Variants in RPS6KC1 observed in about 807,000 individuals in gnomAD.
RPS6KC1 encodes the protein ribosomal protein S6 kinase C1, also known as inactive ribosomal protein S6 kinase delta-1.
Under a neutral mutation model 103.8 loss-of-function variants are expected in RPS6KC1, and 54 were observed. The ratio of observed to expected loss-of-function variants is 0.52; its 90% CI spans 0.42 to 0.65. RPS6KC1 has a LOEUF of 0.65. Among genes scored for constraint, RPS6KC1 ranks in the 30% least tolerant of loss-of-function variants. RPS6KC1 has a pLI of 0.00. For missense variants in RPS6KC1, 1,151 were observed against 1,253.8 expected (o/e 0.92, Z 1.24); for synonymous variants, 439 against 438.7 (o/e 1.00, Z -0.01).
chr1:213,771,568 G>A, the RPS6KC1 span, among the ~76,000 whole-genome samples: 1 of 152,152 alleles, frequency 6.6e-6, no homozygotes, highest in East Asian at 1.9e-4. Flanking sequence ...TCCTGGACCC[G>A]GTTCAGTGGT....
At chr1:213,430,842 C>G in the RPS6KC1 span, among the ~76,000 whole-genome samples, 1 of 152,238 alleles carries the variant, frequency 6.6e-6, no homozygotes. Flanking sequence ...GCCATATGCA[C>G]ACATTAAATG....
chr1:213,126,075 G>A (rs2084957517), intron 5 of RPS6KC1, among the ~76,000 whole-genome samples: 1 of 151,948 alleles, frequency 6.6e-6, no homozygotes, highest in Non-Finnish European at 1.5e-5. Context: ...TTTGTGATTA[G>A]CTATATAAAC....
intron 14 of RPS6KC1, among the ~76,000 whole-genome samples, chr1:213,263,120 C>G (rs1399972685): frequency 6.6e-6 from 1 of 152,076 alleles, no homozygotes; most frequent in South Asian, 2.1e-4. Context: ...TTGTCTGAGG[C>G]TGCTCTAATT....
intron 14 of RPS6KC1, among the ~76,000 whole-genome samples, chr1:213,268,244 C>T (rs2094956871): frequency 6.6e-6 from 1 of 151,848 alleles, no homozygotes; most frequent in African/African-American, 2.4e-5. Flanking sequence ...TTATCAAAAA[C>T]ATGGAGATCA....
chr1:213,611,869 G>A, the RPS6KC1 span, among the ~76,000 whole-genome samples: 12 of 152,178 alleles, frequency 7.9e-5, no homozygotes, highest in African/African-American at 1.9e-4. Flanking sequence ...TAGGTGGGAG[G>A]GAAGGTGGCC....
chr1:213,736,995 G>T, the RPS6KC1 span, among the ~76,000 whole-genome samples: 1 of 152,230 alleles, frequency 6.6e-6, no homozygotes. Context: ...CCAACAGGAT[G>T]GGCTTTTCAG....
the RPS6KC1 span, among the ~76,000 whole-genome samples, chr1:213,674,576 G>A: frequency 4.6e-5 from 7 of 152,078 alleles, no homozygotes; most frequent in Admixed American, 2.0e-4. Flanking sequence ...CCATGACTTC[G>A]CTATTGTAAA....
At chr1:213,186,614 T>C (rs2092542919) in intron 8 of RPS6KC1, among the ~76,000 whole-genome samples, 1 of 152,230 alleles carries the variant, frequency 6.6e-6, no homozygotes, top group Non-Finnish European at 1.5e-5. Flanking sequence ...TCTGGATATG[T>C]ATATCTTTCG....
chr1:213,413,128 G>A, the RPS6KC1 span, among the ~76,000 whole-genome samples: 20 of 152,206 alleles, frequency 1.3e-4, no homozygotes, highest in East Asian at 2.3e-3. Context: ...ATCTACTTTC[G>A]AAAATTTTTA....
At chr1:213,153,295 A>C (rs1313588979) in intron 6 of RPS6KC1, among the ~76,000 whole-genome samples, 12 of 149,080 alleles carry the variant, frequency 8.0e-5, no homozygotes, top group African/African-American at 2.9e-4. Flanking sequence ...GCGCAGAGGC[A>C]GGCACAGAGG....
At chr1:213,293,938 C>G in the RPS6KC1 span, among the ~76,000 whole-genome samples, 25 of 152,314 alleles carry the variant, frequency 1.6e-4, no homozygotes, top group Non-Finnish European at 2.5e-4. Context: ...AATAATCTAA[C>G]TACCGTAACA....
the RPS6KC1 span, among the ~76,000 whole-genome samples, chr1:213,773,111 T>C: frequency 6.6e-6 from 1 of 152,128 alleles, no homozygotes; most frequent in Non-Finnish European, 1.5e-5. Context: ...AAGCAGATAA[T>C]GTCTTTTATA....
At chr1:213,595,823 T>C in the RPS6KC1 span, among the ~76,000 whole-genome samples, 2 of 152,196 alleles carry the variant, frequency 1.3e-5, no homozygotes. Context: ...ATTTCATAGG[T>C]TTTAACTTAA....
At chr1:213,749,489 C>T in the RPS6KC1 span, among the ~76,000 whole-genome samples, 1 of 152,064 alleles carries the variant, frequency 6.6e-6, no homozygotes, top group Non-Finnish European at 1.5e-5. Flanking sequence ...AAGCACATGC[C>T]CTGGGCATGC....
the RPS6KC1 span, among the ~76,000 whole-genome samples, chr1:213,791,683 A>C: frequency 2.8e-4 from 43 of 152,282 alleles, no homozygotes; most frequent in Admixed American, 8.5e-4. Flanking sequence ...ACAGTATTTC[A>C]CTTTTATGAA....
chr1:213,223,038 C>T (rs2093873693), intron 8 of RPS6KC1, among the ~76,000 whole-genome samples: 1 of 152,106 alleles, frequency 6.6e-6, no homozygotes, highest in Non-Finnish European at 1.5e-5. Context: ...ACTATTTTCT[C>T]TAGTTTCTTT....
the RPS6KC1 span, among the ~76,000 whole-genome samples, chr1:213,632,514 A>G: frequency 6.6e-6 from 1 of 152,376 alleles, no homozygotes; most frequent in African/African-American, 2.4e-5. Context: ...AACAAAAAGG[A>G]CATCCACACC....
At chr1:213,170,543 A>G (rs1320293264) in intron 7 of RPS6KC1, among the ~76,000 whole-genome samples, 2 of 152,234 alleles carry the variant, frequency 1.3e-5, no homozygotes, top group East Asian at 1.9e-4. Context: ...ACAAAGTTAC[A>G]CTGGTAAGAG....
the RPS6KC1 span, among the ~76,000 whole-genome samples, chr1:213,392,875 A>G: frequency 6.6e-6 from 1 of 152,340 alleles, no homozygotes; most frequent in Non-Finnish European, 1.5e-5. Flanking sequence ...TTTCCAGAGC[A>G]AGTTTCTGTA....
Sources: gnomAD v4.1 joint callset for allele counts (sites outside exome capture counted in the v4.1 genomes callset) on GRCh38, gnomAD v4.1.1 for gene constraint, MANE v1.5 for transcripts, NCBI Gene and HGNC (gene_info 2026-07-23, HGNC 2026-07-21) for gene names.